The following CNTNAP2 variants were observed in gnomAD, a reference collection of about 807,000 sequenced individuals.
CNTNAP2 encodes contactin-associated protein-like 2.
In CNTNAP2, 98 loss-of-function variants were observed where a neutral mutation model predicts 155.2. That is an observed-to-expected ratio of 0.63 (90% CI 0.54 to 0.75). The LOEUF is 0.75. Among genes scored for constraint, CNTNAP2 ranks in the 30% least tolerant of loss-of-function variants. The pLI is 0.00. For synonymous variants in CNTNAP2, 651 were observed against 631.2 expected (o/e 1.03, Z -0.47); for missense variants, 1,727 against 1,688.1 (o/e 1.02, Z -0.40).
intron 13 of CNTNAP2, among the ~76,000 whole-genome samples, chr7:147,665,662 C>T (rs1467407683): frequency 6.6e-6 from 1 of 151,992 alleles, no homozygotes; most frequent in Non-Finnish European, 1.5e-5. Flanking sequence ...GTGTGTTTCC[C>T]TCTGTCTGTC....
intron 16 of CNTNAP2, among the ~76,000 whole-genome samples, chr7:148,146,144 C>G (rs1464760713): frequency 6.6e-6 from 1 of 152,042 alleles, no homozygotes; most frequent in Non-Finnish European, 1.5e-5. Flanking sequence ...CCAAAAGAAG[C>G]TGAATTTTCC....
In CNTNAP2 at chr7:147,330,287, CTG is replaced by C. The variant is rs1485793343; in HGVS notation, c.1498+30002_1498+30003del. Among the ~76,000 whole-genome samples the C allele has an allele frequency of 2.6e-5, 4 of 152,246 alleles. No individual in the cohort carries two copies. In the East Asian group the frequency reaches 5.8e-4, roughly 22 times the overall value. On this transcript the variant is annotated intron_variant, in intron 9 of 23. Transcript: ENST00000361727. Reference sequence around the variant, plus strand: ...GGCATCCCCAGAGAAGGTATAGAAACTGTGTGCAACTACTCCCCCGGTGCCTC... The same window carrying C: ...GGCATCCCCAGAGAAGGTATAGAAACTGTGCAACTACTCCCCCGGTGCCTC...
intron 5 of CNTNAP2, among the ~76,000 whole-genome samples, chr7:147,118,804 A>G (rs559696959): frequency 2.0e-5 from 3 of 152,314 alleles, no homozygotes; most frequent in South Asian, 2.1e-4. Flanking sequence ...ACACCATTAT[A>G]TATGAAGCCC....
chr7:147,359,074 C>A (rs1024202807), intron 9 of CNTNAP2, among the ~76,000 whole-genome samples: 2 of 152,072 alleles, frequency 1.3e-5, no homozygotes, highest in Admixed American at 1.3e-4. Flanking sequence ...CTTTAGTTAT[C>A]CCTAAACAAG....
At chr7:146,132,406 T>A (rs1797728079) in intron 1 of CNTNAP2, among the ~76,000 whole-genome samples, 1 of 152,134 alleles carries the variant, frequency 6.6e-6, no homozygotes, top group Admixed American at 6.6e-5. Context: ...ATTTATTTAT[T>A]TATTTGTTTA....
At chr7:147,459,136 A>C (rs548662585) in intron 10 of CNTNAP2, among the ~76,000 whole-genome samples, 144 of 152,350 alleles carry the variant, frequency 9.5e-4, no homozygotes, top group South Asian at 4.3e-3. Flanking sequence ...AACACTTAAA[A>C]TATGGCTAAT....
At chr7:148,159,213 C>T (rs557848520) in intron 17 of CNTNAP2, among the ~76,000 whole-genome samples, 1 of 152,212 alleles carries the variant, frequency 6.6e-6, no homozygotes, top group East Asian at 1.9e-4. Context: ...GACAATGTTC[C>T]TCTTTCATTT....
intron 3 of CNTNAP2, among the ~76,000 whole-genome samples, chr7:146,881,278 A>T (rs1331325483): frequency 6.6e-6 from 1 of 152,056 alleles, no homozygotes; most frequent in East Asian, 1.9e-4. Flanking sequence ...TGTAAACCAA[A>T]TTTTTCATGT....
chr7:146,688,326 T>C (rs1014029806), intron 1 of CNTNAP2, among the ~76,000 whole-genome samples: 5 of 152,148 alleles, frequency 3.3e-5, no homozygotes, highest in African/African-American at 1.2e-4. Context: ...CATCATGTTA[T>C]CACATACTGT....
intron 1 of CNTNAP2, among the ~76,000 whole-genome samples, chr7:146,701,397 TCTGGG>T (rs141457764): frequency 0.022 from 3,307 of 152,272 alleles, 80 homozygotes; most frequent in East Asian, 0.12. Flanking sequence ...GCATGTTTGT[TCTGGG>T]CCAATGCCCA....
At chr7:148,271,807 C>A (rs868408367) in intron 21 of CNTNAP2, among the ~76,000 whole-genome samples, 1 of 152,158 alleles carries the variant, frequency 6.6e-6, no homozygotes, top group Admixed American at 6.5e-5. Context: ...TGAGAGACAA[C>A]CCATTTGCAT....
At chr7:146,753,191 T>A (rs924724913) in intron 1 of CNTNAP2, among the ~76,000 whole-genome samples, 1 of 152,154 alleles carries the variant, frequency 6.6e-6, no homozygotes, top group African/African-American at 2.4e-5. Flanking sequence ...TACATGAAAA[T>A]TCTAATTGTA....
chr7:148,277,586 A>ACCCCCCCC (rs147409823), intron 21 of CNTNAP2, among the ~76,000 whole-genome samples: 7 of 140,180 alleles, frequency 5.0e-5, no homozygotes, highest in East Asian at 2.2e-4. Context: ...TTAGTACAGG[A>ACCCCCCCC]CCGCCCCCCA....
chr7:146,975,190 C>T (rs868497113), intron 3 of CNTNAP2, among the ~76,000 whole-genome samples: 3 of 152,132 alleles, frequency 2.0e-5, no homozygotes, highest in East Asian at 1.9e-4. Flanking sequence ...CACGGCTGGG[C>T]GCGTTGGCTC....
chr7:146,334,501 T>C (rs985091003), intron 1 of CNTNAP2, among the ~76,000 whole-genome samples: 10 of 151,586 alleles, frequency 6.6e-5, no homozygotes, highest in African/African-American at 1.9e-4. Flanking sequence ...CTTATAGAAC[T>C]AAAATCTGTC....
intron 8 of CNTNAP2, among the ~76,000 whole-genome samples, chr7:147,191,941 C>T (rs912477468): frequency 6.6e-6 from 1 of 152,184 alleles, no homozygotes; most frequent in Non-Finnish European, 1.5e-5. Flanking sequence ...TGTTTGTAAG[C>T]TACGCTGCCA....
At chr7:146,426,426 C>G (rs867568938) in intron 1 of CNTNAP2, among the ~76,000 whole-genome samples, 1 of 138,878 alleles carries the variant, frequency 7.2e-6, no homozygotes, top group South Asian at 2.3e-4. Context: ...CACACATATA[C>G]ACACACATTT....
At chr7:146,301,602 G>A (rs1472844179) in intron 1 of CNTNAP2, among the ~76,000 whole-genome samples, 1 of 151,962 alleles carries the variant, frequency 6.6e-6, no homozygotes, top group African/African-American at 2.4e-5. Context: ...CTCCAGCCTG[G>A]GTGACAGAGT....
chr7:147,496,616 C>G (rs1252480141), intron 11 of CNTNAP2: 1 of 152,088 alleles, frequency 6.6e-6, no homozygotes, highest in East Asian at 1.9e-4. Context: ...GCTTCCTCCC[C>G]TCAGGAGCGG....
Sources: allele counts gnomAD v4.1 joint callset (sites outside exome capture counted in the v4.1 genomes callset), GRCh38; gene constraint gnomAD v4.1.1; transcripts MANE v1.5; gene names NCBI Gene and HGNC (gene_info 2026-07-23, HGNC 2026-07-21).